GNB1: variants seen among roughly 807,000 people sequenced by gnomAD.
GNB1 encodes the protein guanine nucleotide-binding protein G(I)/G(S)/G(T) subunit beta-1.
A neutral mutation model predicts 42.9 loss-of-function variants in GNB1; 2 were observed. The ratio of observed to expected loss-of-function variants is 0.05; its 90% CI spans 0.02 to 0.15. The LOEUF is 0.15. Among genes scored for constraint, GNB1 ranks in the 10% least tolerant of loss-of-function variants. The pLI is 1.00. For synonymous variants in GNB1, 183 were observed against 174.7 expected (o/e 1.05, Z -0.38); for missense variants, 193 against 462.2 (o/e 0.42, Z 5.34).
Position 1,797,783 on chromosome 1 carries a change from C to T in GNB1, c.431-4472G>A, listed in dbSNP as rs149442308. Reference sequence around the variant, plus strand: ...TGAACACACTTTGAAAGGTTTAGTTCTCCTACCTGCACCCTGGAGAACATC... The same window carrying T: ...TGAACACACTTTGAAAGGTTTAGTTTTCCTACCTGCACCCTGGAGAACATC... On this transcript the variant is annotated intron_variant, in intron 7 of 11. Coordinates refer to ENST00000378609, the MANE Select transcript of GNB1 (RefSeq NM_002074.5). Among the ~76,000 whole-genome samples, 729 of 152,350 alleles carry T rather than the reference C, an allele frequency of 4.8e-3. 9 individuals are homozygous for T. The highest frequency in any genetic ancestry group is 0.017 in the African/African-American group (696 of 41,588).
intron 5 of GNB1, among the ~76,000 whole-genome samples, chr1:1,809,551 A>T (rs1172852510): frequency 6.6e-6 from 1 of 152,186 alleles, no homozygotes; most frequent in Non-Finnish European, 1.5e-5. Context: ...TTCCCACTCT[A>T]GCTTTATTTC....
intron 1 of GNB1, among the ~76,000 whole-genome samples, chr1:1,840,286 T>C (rs533903311): frequency 1.3e-5 from 2 of 150,832 alleles, no homozygotes; most frequent in South Asian, 2.1e-4. Flanking sequence ...CCCAGCACTT[T>C]GGGAGACCAA....
chr1:1,812,668 C>T (rs6603795), intron 5 of GNB1, among the ~76,000 whole-genome samples: 17 of 152,196 alleles, frequency 1.1e-4, no homozygotes, highest in African/African-American at 2.7e-4. Context: ...CACTGAAGAC[C>T]GCCTTGCTCA....
chr1:1,864,210 C>T (rs1194394901), intron 1 of GNB1, among the ~76,000 whole-genome samples: 3 of 147,024 alleles, frequency 2.0e-5, no homozygotes, highest in African/African-American at 7.5e-5. Flanking sequence ...GTAATCCCAG[C>T]TATTCAGGAG....
intron 4 of GNB1, among the ~76,000 whole-genome samples, chr1:1,816,211 C>A (rs867797777): frequency 2.8e-4 from 42 of 152,152 alleles, no homozygotes; most frequent in African/African-American, 8.9e-4. Context: ...TGAGATCTCG[C>A]AACTCTTCTT....
At chr1:1,817,464 T>C (rs1256687605) in intron 4 of GNB1, among the ~76,000 whole-genome samples, 2 of 152,242 alleles carry the variant, frequency 1.3e-5, no homozygotes, top group Non-Finnish European at 2.9e-5. Context: ...GCAGAACTGC[T>C]GAGTCATACA....
At chr1:1,862,016 G>A (rs949264982) in intron 1 of GNB1, among the ~76,000 whole-genome samples, 2 of 151,984 alleles carry the variant, frequency 1.3e-5, no homozygotes, top group African/African-American at 4.8e-5. Context: ...GCAGTGAGCT[G>A]AGATCGCACC....
In GNB1 at chr1:1,806,545, G is replaced by T. The variant is rs375820150; in HGVS notation, c.204-7C>A. Reference sequence around the variant, plus strand: ...CGAGGCACTGACGAGAAGCCTGGAGGGACAGACAAAAGCAAACCTATCAGT... The same window carrying T: ...CGAGGCACTGACGAGAAGCCTGGAGTGACAGACAAAAGCAAACCTATCAGT... On this transcript the variant is annotated splice_polypyrimidine_tract_variant and splice_region_variant and intron_variant, in intron 5 of 11. Coordinates refer to ENST00000378609, the MANE Select transcript of GNB1 (RefSeq NM_002074.5). The T allele has an allele frequency of 4.5e-5, 72 of 1,600,936 alleles. No homozygotes were observed. In the Middle Eastern group the frequency reaches 4.9e-4, roughly 11 times the overall value.
rs538979491 is a variant in GNB1 at position 1,826,085 on chromosome 1, A to T, written c.-46-586T>A. On this transcript the variant is annotated intron_variant, in intron 2 of 11. Coordinates refer to ENST00000378609, the MANE Select transcript of GNB1 (RefSeq NM_002074.5). ...GAAAAATCTGTTAAGCATTTTTCAT[A>T]AAAAAATCTAGGTCTCCCTATAAAT... 1.5e-4 allele frequency among the ~76,000 whole-genome samples: 23 copies of T among 152,272 alleles called. 1 individual carries two copies. The highest frequency in any genetic ancestry group is 5.5e-4 in the African/African-American group (23 of 41,558).
At chr1:1,862,358 T>A (rs999808431) in intron 1 of GNB1, among the ~76,000 whole-genome samples, 1 of 152,178 alleles carries the variant, frequency 6.6e-6, no homozygotes, top group Non-Finnish European at 1.5e-5. Context: ...AATTAGGAGA[T>A]GATTACAACA....
intron 2 of GNB1, among the ~76,000 whole-genome samples, chr1:1,837,255 ATTTT>A (rs35300114): frequency 7.2e-6 from 1 of 138,258 alleles, no homozygotes. Context: ...CATTGAGTTA[ATTTT>A]TTTTTTTTTT....
chr1:1,865,023 G>A (rs1648847496), intron 1 of GNB1, among the ~76,000 whole-genome samples: 1 of 152,176 alleles, frequency 6.6e-6, no homozygotes, highest in Admixed American at 6.5e-5. Context: ...AGCACTTTGG[G>A]AGGCTGAGGC....
chr1:1,801,359 A>G (rs955230892), intron 7 of GNB1, among the ~76,000 whole-genome samples: 1 of 152,176 alleles, frequency 6.6e-6, no homozygotes, highest in African/African-American at 2.4e-5. Flanking sequence ...TATTCACATT[A>G]TAAGACCCCT....
At chr1:1,815,068 C>G (rs1207395244) in intron 5 of GNB1, among the ~76,000 whole-genome samples, 5 of 150,808 alleles carry the variant, frequency 3.3e-5, no homozygotes, top group Non-Finnish European at 7.4e-5. Flanking sequence ...GCCGAGATTG[C>G]CCCACCGCAC....
chr1:1,807,831 C>T (rs1465563337), intron 5 of GNB1, among the ~76,000 whole-genome samples: 1 of 151,944 alleles, frequency 6.6e-6, no homozygotes, highest in Non-Finnish European at 1.5e-5. Flanking sequence ...CCCCAGTCTC[C>T]CGAGTAGCTG....
intron 1 of GNB1, among the ~76,000 whole-genome samples, chr1:1,845,674 T>C (rs1302369343): frequency 6.6e-6 from 1 of 152,120 alleles, no homozygotes; most frequent in Non-Finnish European, 1.5e-5. Flanking sequence ...ATATGGTTAT[T>C]TGGGGAGCAA....
chr1:1,818,686 A>G (rs974901647), intron 3 of GNB1, among the ~76,000 whole-genome samples: 1 of 152,112 alleles, frequency 6.6e-6, no homozygotes, highest in Non-Finnish European at 1.5e-5. Context: ...AACATGGTGA[A>G]ACCCCATCTC....
chr1:1,890,711 G>A (rs1650453759), intron 1 of GNB1, 109 bp downstream of exon 1: 2 of 148,264 alleles, frequency 1.3e-5, no homozygotes, highest in East Asian at 2.0e-4. Flanking sequence ...GGCGGGGCAG[G>A]AAGACGCGGC....
chr1:1,836,966 T>A (rs1376244262), intron 2 of GNB1, among the ~76,000 whole-genome samples: 1 of 146,432 alleles, frequency 6.8e-6, no homozygotes, highest in Non-Finnish European at 1.5e-5. Context: ...GGATTACAGG[T>A]GTTAGCCATA....
Sources: gnomAD v4.1 joint callset for allele counts (sites outside exome capture counted in the v4.1 genomes callset) on GRCh38, gnomAD v4.1.1 for gene constraint, MANE v1.5 for transcripts, NCBI Gene and HGNC (gene_info 2026-07-23, HGNC 2026-07-21) for gene names.